Variants in KLHL28 observed in about 807,000 individuals in gnomAD.
KLHL28 encodes kelch like family member 28, also known as kelch-like protein 28.
Under a neutral mutation model 48.3 loss-of-function variants are expected in KLHL28, and 22 were observed. That is an observed-to-expected ratio of 0.46 (90% CI 0.33 to 0.65). KLHL28 has a LOEUF of 0.65. Ranked by LOEUF, KLHL28 falls within the 30% of genes least tolerant of loss-of-function variation. The pLI is 0.03. For synonymous variants in KLHL28, 243 were observed against 242.4 expected (o/e 1.00, Z -0.02); for missense variants, 527 against 704.3 (o/e 0.75, Z 2.85).
chr14:44,933,055 C>T (rs955553879), intron 3 of KLHL28, among the ~76,000 whole-genome samples: 24 of 152,148 alleles, frequency 1.6e-4, no homozygotes, highest in African/African-American at 2.7e-4. Context: ...ATAAGCTACA[C>T]GTATCCTCTT....
intron 2 of KLHL28, among the ~76,000 whole-genome samples, chr14:44,937,526 TAGTA>T (rs1277400715): frequency 6.6e-6 from 1 of 152,172 alleles, no homozygotes; most frequent in African/African-American, 2.4e-5. Context: ...TTCTCAGTGA[TAGTA>T]AGACTAAAGG....
chr14:44,931,882 C>A (rs111659810), intron 3 of KLHL28, among the ~76,000 whole-genome samples: 294 of 152,134 alleles, frequency 1.9e-3, no homozygotes, highest in African/African-American at 6.7e-3. Flanking sequence ...TTTGTGTAAT[C>A]CTGAATAAGT....
intron 2 of KLHL28, among the ~76,000 whole-genome samples, chr14:44,939,040 T>G (rs73334137): frequency 0.054 from 8,169 of 152,252 alleles, 552 homozygotes; most frequent in African/African-American, 0.16. Context: ...CCCATAACTC[T>G]TGTAGTCTGC....
Position 44,945,493 on chromosome 14 carries a change from T to C in KLHL28, c.436A>G (p.Thr146Ala). 6.2e-7 allele frequency: 1 copy of C among 1,614,208 alleles called. No individual in the cohort carries two copies. The highest frequency in any genetic ancestry group is 1.3e-5 in the African/African-American group (1 of 75,060). Residue 146 changes from threonine to alanine, a missense_variant, in exon 2 of 5, where the codon ACA becomes GCA. Coordinates refer to ENST00000396128, the MANE Select transcript of KLHL28 (RefSeq NM_017658.5). ...NCIGISRFAE[T>A]YGCRDLYLAA... Reference sequence around the variant, plus strand: ...AAATAAAGGTCACGGCAACCATATGTTTCTGCAAAACGAGAAATTCCAATA... The same window carrying C: ...AAATAAAGGTCACGGCAACCATATGCTTCTGCAAAACGAGAAATTCCAATA...
Position 44,934,448 on chromosome 14 carries a change from C to T in KLHL28, c.1010G>A (p.Gly337Asp). ...CVLDQKVYVIGGIATNVRPGV... is the reference protein window; with the variant it reads ...CVLDQKVYVIDGIATNVRPGV... ...AGGACGCACATTAGTTGCAATACCACCTATAACATATACTTTTTGGTCTAA... is the reference window on the plus strand; with the variant it reads ...AGGACGCACATTAGTTGCAATACCATCTATAACATATACTTTTTGGTCTAA... Residue 337 changes from glycine (G) to aspartate (D), a missense_variant, in exon 3 of 5, where the codon GGT (glycine) becomes GAT (aspartate). By Grantham distance (94) the Gly-to-Asp change is moderately conservative (BLOSUM62 -1). Transcript: ENST00000396128. The T allele has an allele frequency of 1.2e-6, 2 of 1,614,104 alleles. No homozygotes were observed. The highest frequency in any genetic ancestry group is 2.2e-5 in the South Asian group (2 of 91,072).
rs184417766 is a variant in KLHL28, at chr14:44,957,254, T to C, written c.-1+4592A>G. Among the ~76,000 whole-genome samples, 4 of 152,342 alleles carry C rather than the reference T, an allele frequency of 2.6e-5. No individual in the cohort carries two copies. In the South Asian group the frequency reaches 6.2e-4, roughly 24 times the overall value. ...CTATTGAAGATGCGTGATAGGTAAA[T>C]AGATGTTCATCATATTGTTCTGCTT... On this transcript the variant is annotated intron_variant, in intron 1 of 4. Coordinates refer to ENST00000396128, the MANE Select transcript of KLHL28 (RefSeq NM_017658.5).
At chr14:44,945,004 T>C in intron 2 of KLHL28, 26 bp downstream of exon 2, 6 of 1,470,234 alleles carry the variant, frequency 4.1e-6, no homozygotes, top group Non-Finnish European at 4.6e-6. Flanking sequence ...ATTAGCATCA[T>C]TCATTTAGGA....
At chr14:44,943,683 T>A (rs961289707) in intron 2 of KLHL28, among the ~76,000 whole-genome samples, 9 of 149,210 alleles carry the variant, frequency 6.0e-5, no homozygotes, top group African/African-American at 1.2e-4. Context: ...AAAAAATAAA[T>A]AAAATAAATA....
chr14:44,943,651 C>G (rs1234090870), intron 2 of KLHL28, among the ~76,000 whole-genome samples: 1 of 149,660 alleles, frequency 6.7e-6, no homozygotes, highest in African/African-American at 2.5e-5. Context: ...AAGCCAAACT[C>G]TGTATCAAAA....
chr14:44,925,533 G>A lies in KLHL28; in HGVS notation c.*3495C>T, dbSNP rs1217062542. On this transcript the variant is annotated 3_prime_UTR_variant, in exon 5 of 5. Coordinates refer to ENST00000396128, the MANE Select transcript of KLHL28 (RefSeq NM_017658.5). Reference sequence around the variant, plus strand: ...CACTTCTTACGATGTCAGAGATAAGGAATTAGATTCATCCTTCACCAAAAT... The same window carrying A: ...CACTTCTTACGATGTCAGAGATAAGAAATTAGATTCATCCTTCACCAAAAT... 6.6e-6 allele frequency: 1 copy of A among 151,992 alleles called. No individual in the cohort carries two copies. Among genetic ancestry groups the A allele is most frequent in the African/African-American group, 2.4e-5 (1 of 41,426 alleles). The allele number at this position is 151,992 out of a possible 1,614,324, so 9.4% of individuals were successfully genotyped here.
intron 1 of KLHL28, among the ~76,000 whole-genome samples, chr14:44,946,738 T>C (rs1884353719): frequency 6.6e-6 from 1 of 152,188 alleles, no homozygotes; most frequent in South Asian, 2.1e-4. Flanking sequence ...ATATTTTTAG[T>C]AGAGACAAGG....
intron 3 of KLHL28, among the ~76,000 whole-genome samples, chr14:44,932,004 T>A (rs1007059660): frequency 7.0e-6 from 1 of 142,648 alleles, no homozygotes; most frequent in Non-Finnish European, 1.5e-5. Flanking sequence ...GAATACAGAC[T>A]TTTTTTTTTT....
intron 1 of KLHL28, among the ~76,000 whole-genome samples, chr14:44,958,166 A>G (rs1035313688): frequency 6.6e-6 from 1 of 151,752 alleles, no homozygotes; most frequent in African/African-American, 2.4e-5. Flanking sequence ...TATCCATTTG[A>G]AATTAAAATT....
intron 1 of KLHL28, among the ~76,000 whole-genome samples, chr14:44,952,020 G>A (rs779145890): frequency 2.6e-5 from 4 of 151,916 alleles, no homozygotes; most frequent in Admixed American, 6.6e-5. Context: ...CACCACGCCC[G>A]ACTAGTTTTT....
At chr14:44,944,779 A>T (rs1241486606) in intron 2 of KLHL28, among the ~76,000 whole-genome samples, 5 of 152,214 alleles carry the variant, frequency 3.3e-5, no homozygotes, top group Admixed American at 6.5e-5. Context: ...AATGGAATAA[A>T]AGTTTGTGAG....
chr14:44,948,249 G>T (rs899108285), intron 1 of KLHL28, among the ~76,000 whole-genome samples: 5 of 152,040 alleles, frequency 3.3e-5, no homozygotes, highest in Non-Finnish European at 7.4e-5. Flanking sequence ...TATTATTCAG[G>T]TATTAATGTA....
At chr14:44,939,632 T>C (rs1883985632) in intron 2 of KLHL28, among the ~76,000 whole-genome samples, 1 of 152,208 alleles carries the variant, frequency 6.6e-6, no homozygotes, top group Admixed American at 6.5e-5. Flanking sequence ...TTTGCTAATA[T>C]ATAGCAAGGA....
chr14:44,935,906 T>TATATATATATA (rs1429152138), intron 2 of KLHL28, among the ~76,000 whole-genome samples: 15 of 13,888 alleles, frequency 1.1e-3, no homozygotes, highest in Non-Finnish European at 2.5e-3. Context: ...ATATATATCT[T>TATATATATATA]TACCCTCCCC....
intron 2 of KLHL28, among the ~76,000 whole-genome samples, chr14:44,937,802 A>G (rs1207667622): frequency 1.3e-5 from 2 of 152,328 alleles, no homozygotes; most frequent in Non-Finnish European, 2.9e-5. Context: ...TCACATGGAT[A>G]GCTAGCAAGC....
Sources: gnomAD v4.1 joint callset for allele counts (sites outside exome capture counted in the v4.1 genomes callset) on GRCh38, gnomAD v4.1.1 for gene constraint, MANE v1.5 for transcripts, NCBI Gene and HGNC (gene_info 2026-07-23, HGNC 2026-07-21) for gene names.